Variants in HS6ST3 observed in about 807,000 individuals in gnomAD.
HS6ST3 encodes the protein heparan sulfate 6-O-sulfotransferase 3.
A neutral mutation model predicts 36.7 loss-of-function variants in HS6ST3; 12 were observed. The observed-to-expected ratio is 0.33, with a 90% CI of 0.21 to 0.53. The LOEUF is 0.53. HS6ST3 is among the 20% of genes least tolerant of loss of function. HS6ST3 has a pLI of 0.95. For synonymous variants in HS6ST3, 240 were observed against 257.5 expected, an observed-to-expected ratio of 0.93 and a Z score of 0.65; for missense variants, 584 against 640.9, an observed-to-expected ratio of 0.91 and a Z score of 0.96.
At chr13:96,251,981 C>T (rs1270005168) in intron 1 of HS6ST3, among the ~76,000 whole-genome samples, 2 of 152,058 alleles carry the variant, frequency 1.3e-5, no homozygotes, top group African/African-American at 4.8e-5. Context: ...TAATCTATCC[C>T]AGGGAATGTT....
At chr13:96,116,461 A>C (rs1036084972) in intron 1 of HS6ST3, among the ~76,000 whole-genome samples, 15 of 152,300 alleles carry the variant, frequency 9.8e-5, no homozygotes, top group Middle Eastern at 3.4e-3. Context: ...TCCCTGAGGC[A>C]GGCTCTTTGA....
chr13:96,755,475 C>T (rs1389181193), intron 1 of HS6ST3, among the ~76,000 whole-genome samples: 1 of 152,134 alleles, frequency 6.6e-6, no homozygotes, highest in East Asian at 1.9e-4. Context: ...AGCGATTCTC[C>T]TGCCTCAGCT....
rs747013290 is a variant in HS6ST3 at position 96,091,214 on chromosome 13, G to C, written c.352G>C (p.Gly118Arg). ...GCCGGACCCCGAGGCCCCGGAAAAC[G>C]GCTCCCTGCCCCGATTCGTGCCGCG... ...DEPDPEAPEN[G>R]SLPRFVPRFN... Residue 118 changes from glycine (G) to arginine (R), a missense_variant, in exon 1 of 2, where the codon GGC (glycine) becomes CGC (arginine). By Grantham distance (125) the Gly-to-Arg change is moderately radical (BLOSUM62 -2). Transcript: ENST00000376705. 1.3e-6 allele frequency: 2 copies of C among 1,570,298 alleles called. No homozygotes were observed. The highest frequency in any genetic ancestry group is 1.9e-5 in the Admixed American group (1 of 53,600).
chr13:96,217,563 GTCCA>G (rs765443599), intron 1 of HS6ST3, among the ~76,000 whole-genome samples: 1 of 151,972 alleles, frequency 6.6e-6, no homozygotes, highest in African/African-American at 2.4e-5. Context: ...CTCTCTCTCT[GTCCA>G]TCCATCCATC....
At chr13:96,624,634 G>C (rs976908282) in intron 1 of HS6ST3, among the ~76,000 whole-genome samples, 1 of 151,912 alleles carries the variant, frequency 6.6e-6, no homozygotes, top group East Asian at 1.9e-4. Context: ...ATTGTGTACT[G>C]TTCCATCTTT....
rs561350549 is a variant in HS6ST3 at position 96,135,164 on chromosome 13, C to A, written c.707+43595C>A. On this transcript the variant is annotated intron_variant, in intron 1 of 1. Transcript: ENST00000376705. ...ATCTGTTCTACCTCACCCTGCCTTG[C>A]ATGTTGAGTTGGACCTGCCACCCTT... 3.3e-5 allele frequency among the ~76,000 whole-genome samples: 5 copies of A among 152,276 alleles called. No homozygotes were observed. In the South Asian group the frequency reaches 8.3e-4, roughly 25 times the overall value.
chr13:96,577,366 A>G (rs1306499733), intron 1 of HS6ST3, among the ~76,000 whole-genome samples: 1 of 152,198 alleles, frequency 6.6e-6, no homozygotes, highest in Non-Finnish European at 1.5e-5. Context: ...ATGGCTGCAT[A>G]GTATTCCATG....
At chr13:96,756,705 T>C (rs1876840430) in intron 1 of HS6ST3, among the ~76,000 whole-genome samples, 2 of 152,212 alleles carry the variant, frequency 1.3e-5, no homozygotes, top group Non-Finnish European at 2.9e-5. Flanking sequence ...TTCCATACAT[T>C]TGGTTAAGTT....
rs530468651 is a variant in HS6ST3 at position 96,560,957 on chromosome 13, A to C, written c.708-271533A>C. Among the ~76,000 whole-genome samples the C allele has an allele frequency of 3.3e-5, 5 of 152,308 alleles. No homozygotes were observed. The South Asian group carries it at 1.0e-3, about 32-fold the overall frequency. Reference sequence around the variant, plus strand: ...AACCAATAATATCATCAAAATGGCTATACTGTCCAAAGCAATCTACAGATT... The same window carrying C: ...AACCAATAATATCATCAAAATGGCTCTACTGTCCAAAGCAATCTACAGATT... On this transcript the variant is annotated intron_variant, in intron 1 of 1. Transcript: ENST00000376705.
chr13:96,330,311 C>T (rs1166021615), intron 1 of HS6ST3, among the ~76,000 whole-genome samples: 3 of 151,972 alleles, frequency 2.0e-5, no homozygotes, highest in African/African-American at 4.8e-5. Context: ...GAGTTTGCAG[C>T]GGCCGGTACC....
chr13:96,515,881 G>A (rs1475976641), intron 1 of HS6ST3, among the ~76,000 whole-genome samples: 2 of 152,090 alleles, frequency 1.3e-5, no homozygotes, highest in Admixed American at 1.3e-4. Flanking sequence ...CTTTATAGCA[G>A]CGTATAGTAT....
At position 96,263,520 on chromosome 13, in the gene HS6ST3, G is replaced by A. The variant is rs112676157; in HGVS notation, c.707+171951G>A. ...AATACTGGATCTAATTGAAAATAAT[G>A]ATGTGTTTGGGAATACCTTTCTGGC... On this transcript the variant is annotated intron_variant, in intron 1 of 1. Transcript: ENST00000376705. Among the ~76,000 whole-genome samples the A allele has an allele frequency of 3.8e-3, 576 of 152,256 alleles. 2 individuals carry two copies. Among genetic ancestry groups the A allele is most frequent in the Admixed American group, 6.6e-3 (101 of 15,288 alleles).
intron 1 of HS6ST3, among the ~76,000 whole-genome samples, chr13:96,701,971 T>C (rs1232402394): frequency 6.6e-6 from 1 of 151,892 alleles, no homozygotes; most frequent in Non-Finnish European, 1.5e-5. Flanking sequence ...CACAAAGAAA[T>C]GGCCTATGAA....
intron 1 of HS6ST3, among the ~76,000 whole-genome samples, chr13:96,213,235 A>C (rs2054407383): frequency 6.6e-6 from 1 of 152,172 alleles, no homozygotes; most frequent in Non-Finnish European, 1.5e-5. Flanking sequence ...GTTTTCATAG[A>C]GTTTCTATCA....
At chr13:96,382,020 G>A (rs544102100) in intron 1 of HS6ST3, among the ~76,000 whole-genome samples, 15 of 152,232 alleles carry the variant, frequency 9.9e-5, no homozygotes, top group African/African-American at 3.6e-4. Flanking sequence ...AGGCACGGTG[G>A]CTCATGGCTC....
intron 1 of HS6ST3, among the ~76,000 whole-genome samples, chr13:96,163,690 A>G (rs985126834): frequency 1.3e-5 from 2 of 152,218 alleles, no homozygotes; most frequent in Non-Finnish European, 2.9e-5. Context: ...GATATTTAAT[A>G]TATCAATAGC....
At chr13:96,563,835 C>T (rs894824131) in intron 1 of HS6ST3, among the ~76,000 whole-genome samples, 1 of 152,164 alleles carries the variant, frequency 6.6e-6, no homozygotes, top group Non-Finnish European at 1.5e-5. Flanking sequence ...CTCATGCACA[C>T]CTTCTTACCC....
rs1875257956 is a variant in HS6ST3 at position 96,700,543 on chromosome 13, C to T, written c.708-131947C>T. ...CAAAAACTTTACATTATTCCTTTTA[C>T]ATTCTTTTTATTTGAACAACCATCA... On this transcript the variant is annotated intron_variant, in intron 1 of 1. Coordinates refer to ENST00000376705, the MANE Select transcript of HS6ST3 (RefSeq NM_153456.4). Among the ~76,000 whole-genome samples, 3 of 152,152 alleles carry T rather than the reference C, an allele frequency of 2.0e-5. No homozygotes were observed. In the South Asian group the frequency reaches 6.2e-4, roughly 32 times the overall value.
At chr13:96,798,645 CCTCAT>C (rs1393324277) in intron 1 of HS6ST3, among the ~76,000 whole-genome samples, 3 of 151,972 alleles carry the variant, frequency 2.0e-5, no homozygotes, top group African/African-American at 7.2e-5. Flanking sequence ...GCCTCAATGT[CCTCAT>C]CTATAAAATA....
Sources: gnomAD v4.1 joint callset for allele counts (sites outside exome capture counted in the v4.1 genomes callset) on GRCh38, gnomAD v4.1.1 for gene constraint, MANE v1.5 for transcripts, NCBI Gene and HGNC (gene_info 2026-07-23, HGNC 2026-07-21) for gene names.